TTC3: variants seen among roughly 807,000 people sequenced by gnomAD.
The protein encoded by TTC3 is tetratricopeptide repeat domain 3.
A neutral mutation model predicts 249.6 loss-of-function variants in TTC3; 180 were observed. That is an observed-to-expected ratio of 0.72 (90% CI 0.64 to 0.82). The LOEUF (loss-of-function observed/expected upper bound fraction) is 0.82. TTC3 is among the 40% of genes least tolerant of loss of function. The pLI is 0.00. For synonymous variants in TTC3, 717 were observed against 805.0 expected (o/e 0.89, Z 1.85); for missense variants, 2,061 against 2,398.4 (o/e 0.86, Z 2.94).
At chr21:37,129,246 A>C (rs1225684412) in intron 16 of TTC3, among the ~76,000 whole-genome samples, 183 bp downstream of exon 16, 1 of 152,232 alleles carries the variant, frequency 6.6e-6, no homozygotes, top group Non-Finnish European at 1.5e-5. Flanking sequence ...AAGGATTATT[A>C]ATCCTGGATA....
chr21:37,096,559 C>G, intron 9 of TTC3, 22 bp from the exon 10 acceptor site: 3 of 1,581,142 alleles, frequency 1.9e-6, no homozygotes, highest in Non-Finnish European at 2.6e-6. Flanking sequence ...GCTTTACTGA[C>G]TAAACATTGT....
At chr21:37,148,720 T>C (rs2079195772) in intron 23 of TTC3, 73 bp downstream of exon 23, 2 of 923,004 alleles carry the variant, frequency 2.2e-6, no homozygotes, top group Non-Finnish European at 3.2e-6. Context: ...AAGAATTCCT[T>C]CCTGAACATT....
At chr21:37,163,632 GA>G (rs779649865) in intron 31 of TTC3, among the ~76,000 whole-genome samples, 29 of 152,130 alleles carry the variant, frequency 1.9e-4, no homozygotes, top group Non-Finnish European at 4.0e-4. Flanking sequence ...TTACAGGCGT[GA>G]GCCACCACAC....
chr21:37,127,270 C>A (rs1259650919), intron 15 of TTC3, among the ~76,000 whole-genome samples: 3 of 152,170 alleles, frequency 2.0e-5, no homozygotes, highest in Non-Finnish European at 4.4e-5. Context: ...TGGTTTTCAA[C>A]ATGTGAATCT....
chr21:37,165,262 A>AT lies in TTC3; in HGVS notation c.3336-287dup, dbSNP rs1569114972. ...TTTGTTGTTGTTTTTAGAATAAATT[A>AT]TGTAATTACATAGTTGAAAGTTATG... On this transcript the variant is annotated intron_variant, in intron 32 of 45. Transcript: ENST00000355666. Among the ~76,000 whole-genome samples the AT allele has an allele frequency of 2.0e-5, 3 of 152,302 alleles. No homozygotes were observed. In the South Asian group the frequency reaches 6.2e-4, roughly 32 times the overall value.
At position 37,088,840 on chromosome 21, in the gene TTC3, A is replaced by G. The variant is rs377283806; in HGVS notation, c.380A>G (p.His127Arg). The stretch of plus-strand genomic sequence containing the variant: ...GAGATAAATTTGAAGAAACTACAAC[A>G]TCTTGAGTTGATGGAAGATATTGTG... Residue 127 changes from histidine (H) to arginine (R), a missense_variant, in exon 5 of 46, where the codon CAT becomes CGT. Transcript: ENST00000355666. 14 of 1,613,694 alleles carry G rather than the reference A, an allele frequency of 8.7e-6. No individual in the cohort carries two copies. The African/African-American group carries it at 1.6e-4, about 18-fold the overall frequency.
At chr21:37,135,269 A>G in intron 17 of TTC3, 111 bp from the exon 18 acceptor site, 1 of 1,198,342 alleles carries the variant, frequency 8.3e-7, no homozygotes, top group South Asian at 1.6e-5. Flanking sequence ...TTGGGTATTG[A>G]TGTAAACATT....
chr21:37,161,009 C>A, intron 30 of TTC3, 151 bp downstream of exon 30: 2 of 680,238 alleles, frequency 2.9e-6, no homozygotes, highest in Non-Finnish European at 2.3e-6. Flanking sequence ...CAGTCTTCTA[C>A]ATTTTGAAGA....
chr21:37,167,708 C>A, intron 34 of TTC3, 88 bp downstream of exon 34: 1 of 932,598 alleles, frequency 1.1e-6, no homozygotes, highest in Non-Finnish European at 1.6e-6. Context: ...ATTTTGGAGT[C>A]AGCTTATTCC....
In TTC3 at chr21:37,192,228, TC is replaced by T; in HGVS notation, c.5217+16del. 3 of 1,469,304 alleles carry T rather than the reference TC, an allele frequency of 2.0e-6. No individual in the cohort carries two copies. The highest frequency in any genetic ancestry group is 2.2e-5 in the Admixed American group (1 of 44,948). The allele number at this position is 1,469,304 out of a possible 1,614,324, so 91.0% of individuals were successfully genotyped here. A position where few individuals can be genotyped will look rare whatever the true frequency, so the allele number is the denominator to read the frequency against. ...CCTGTAACACGGTAAGTCTAGCACA[TC>T]TTTTTTTTTTTTTTAAACCATAATT... On this transcript the variant is annotated intron_variant, in intron 41 of 45. Transcript: ENST00000355666.
chr21:37,073,417 G>C, intron 1 of TTC3: 1 of 986,720 alleles, frequency 1.0e-6, no homozygotes, highest in Non-Finnish European at 1.2e-6. Flanking sequence ...ACCTTGTCCC[G>C]CTGCAGCCGA....
chr21:37,140,705 G>C (rs1480658486), intron 20 of TTC3, 32 bp downstream of exon 20: 1 of 1,445,356 alleles, frequency 6.9e-7, no homozygotes, highest in Non-Finnish European at 9.5e-7. Flanking sequence ...TTAAGCTCTA[G>C]GCTGGTAACT....
At chr21:37,148,107 C>T (rs570236594) in intron 22 of TTC3, among the ~76,000 whole-genome samples, 4 of 152,252 alleles carry the variant, frequency 2.6e-5, no homozygotes, top group South Asian at 2.1e-4. Context: ...GGGGTAGTGA[C>T]CTGAGAAGGC....
Position 37,197,866 on chromosome 21 carries a change from C to T in TTC3, c.5707-16C>T, listed in dbSNP as rs749088840. The T allele has an allele frequency of 6.2e-7, 1 of 1,610,024 alleles. No individual in the cohort carries two copies. The highest frequency in any genetic ancestry group is 8.5e-7 in the Non-Finnish European group (1 of 1,178,772). The stretch of plus-strand genomic sequence containing the variant: ...TCCCTCTTGTCCCCTCCCCGCCACC[C>T]CTGTTATTTTCGCAGCCAAACCCAG... On this transcript the variant is annotated splice_polypyrimidine_tract_variant and intron_variant, in intron 43 of 45. Coordinates refer to ENST00000355666, the Ensembl canonical transcript of TTC3.
intron 1 of TTC3, chr21:37,083,798 G>A (rs2072032794): frequency 2.0e-5 from 3 of 152,202 alleles, no homozygotes; most frequent in African/African-American, 7.2e-5. Context: ...GTAGGGTCTA[G>A]AAGTCAAGAG....
intron 28 of TTC3, among the ~76,000 whole-genome samples, chr21:37,158,591 C>G (rs1484976969): frequency 1.3e-5 from 2 of 152,206 alleles, no homozygotes; most frequent in Admixed American, 1.3e-4. Context: ...AGAGCCCCGA[C>G]TTTTTCCCTG....
At chr21:37,144,606 T>G in exon 21 of TTC3, 1 of 1,612,002 alleles carries the variant, frequency 6.2e-7, no homozygotes, top group South Asian at 1.1e-5. Context: ...GGCCCACGAG[T>G]AATGTGATTA....
intron 35 of TTC3, among the ~76,000 whole-genome samples, chr21:37,180,695 G>T (rs1317652746): frequency 2.0e-5 from 3 of 149,814 alleles, no homozygotes; most frequent in South Asian, 2.1e-4. Flanking sequence ...CACCAGCATG[G>T]CACATGTATA....
At chr21:37,176,934 A>G (rs2040125) in intron 35 of TTC3, among the ~76,000 whole-genome samples, 97,463 of 152,046 alleles carry the variant, frequency 0.64, 33,105 homozygotes, top group African/African-American at 0.86. Context: ...CAGTGTAGGC[A>G]TATCAGTTAA....
Sources: gnomAD v4.1 joint callset for allele counts (sites outside exome capture counted in the v4.1 genomes callset) on GRCh38, gnomAD v4.1.1 for gene constraint, MANE v1.5 for transcripts, NCBI Gene and HGNC (gene_info 2026-07-23, HGNC 2026-07-21) for gene names.